NOM1: variants seen among roughly 807,000 people sequenced by gnomAD.
NOM1 encodes the protein nucleolar protein with MIF4G domain 1, also known as nucleolar MIF4G domain-containing protein 1.
Under a neutral mutation model 73.3 loss-of-function variants are expected in NOM1, and 58 were observed. The observed-to-expected ratio is 0.79, with a 90% CI of 0.64 to 0.99. The LOEUF is 0.99. Among genes scored for constraint, NOM1 ranks in the 50% least tolerant of loss-of-function variants. The probability of loss-of-function intolerance (pLI) is 0.00; values close to 1 mark genes in which losing one functional copy is unlikely to be tolerated. For synonymous variants in NOM1, 487 were observed against 446.8 expected, an observed-to-expected ratio of 1.09 and a Z score of -1.14; for missense variants, 1,226 against 1,131.9, an observed-to-expected ratio of 1.08 and a Z score of -1.19.
In NOM1 at chr7:156,964,036, T is replaced by C. The variant is rs1804936790; in HGVS notation, c.2033+10T>C. On this transcript the variant is annotated intron_variant, in intron 7 of 10. Transcript: ENST00000275820. ...TTGAAAAGCTTCTGAAGTAAGCATTTGTGTGCACATTTTGACCTATTAATG... is the reference window on the plus strand; with the variant it reads ...TTGAAAAGCTTCTGAAGTAAGCATTCGTGTGCACATTTTGACCTATTAATG... 6.2e-7 allele frequency: 1 copy of C among 1,610,292 alleles called. No individual in the cohort carries two copies. Among genetic ancestry groups the C allele is most frequent in the African/African-American group, 1.3e-5 (1 of 74,630 alleles).
chr7:156,950,260 C>T lies in NOM1; in HGVS notation c.523C>T (p.Leu175Phe), dbSNP rs1286211623. 4 of 1,613,692 alleles carry T rather than the reference C, an allele frequency of 2.5e-6. No individual in the cohort carries two copies. The highest frequency in any genetic ancestry group is 1.7e-5 in the Admixed American group (1 of 60,010). Residue 175 changes from leucine (L) to phenylalanine (F), a missense_variant, in exon 1 of 11, where the codon CTT becomes TTT. Coordinates refer to ENST00000275820, the MANE Select transcript of NOM1 (RefSeq NM_138400.2). ...CACCGCCGCTGCCCGGAAACGGGCG[C>T]TTTTAGCGGCGAACGAGGAGGAGGA... ...AATAAARKRA[L>F]LAANEEEDRE...
chr7:156,959,021 C>T (rs1384855183), intron 3 of NOM1, among the ~76,000 whole-genome samples: 3 of 152,044 alleles, frequency 2.0e-5, no homozygotes, highest in African/African-American at 4.8e-5. Flanking sequence ...AGAAATCACT[C>T]GTATTGCTTC....
intron 7 of NOM1, 180 bp from the exon 8 acceptor site, chr7:156,966,090 G>A: frequency 1.5e-6 from 1 of 684,190 alleles, no homozygotes; most frequent in Non-Finnish European, 2.5e-6. Context: ...AGAACCTGAG[G>A]ACCAGAGAGG....
At chr7:156,965,887 C>A (rs1804982924) in intron 7 of NOM1, among the ~76,000 whole-genome samples, 2 of 150,034 alleles carry the variant, frequency 1.3e-5, no homozygotes, top group Middle Eastern at 3.4e-3. Flanking sequence ...GCACTCCAGC[C>A]TGGGTGACAG....
rs771296001 is a variant in NOM1, at chr7:156,952,518, G to A, written c.1032G>A (p.Arg344=). 1 of 1,613,900 alleles carries A rather than the reference G, an allele frequency of 6.2e-7. No homozygotes were observed. The highest frequency in any genetic ancestry group is 8.5e-7 in the Non-Finnish European group (1 of 1,179,816). The part of the protein sequence containing the change: ...SGEKYIPPHV[R]QAEETVDFKK... ...AAAAGTACATCCCACCTCATGTGAGGCAAGCTGAGGAGACAGTGGACTTCA... is the reference window on the plus strand; with the variant it reads ...AAAAGTACATCCCACCTCATGTGAGACAAGCTGAGGAGACAGTGGACTTCA... The change falls in exon 2 of 11, where the codon AGG becomes AGA. Residue 344 remains arginine, a synonymous_variant. Coordinates refer to ENST00000275820, the MANE Select transcript of NOM1 (RefSeq NM_138400.2).
chr7:156,949,926 G>C lies in NOM1; in HGVS notation c.189G>C (p.Gly63=). 6.5e-7 allele frequency: 1 copy of C among 1,542,306 alleles called. No homozygotes were observed. Among genetic ancestry groups the C allele is most frequent in the South Asian group, 1.2e-5 (1 of 83,960 alleles). ...VHATSEGEAP[G]GCEGRGAPVS... Reference sequence around the variant, plus strand: ...CGACTTCGGAAGGCGAGGCTCCCGGGGGTTGCGAGGGGCGCGGCGCCCCGG... The same window carrying C: ...CGACTTCGGAAGGCGAGGCTCCCGGCGGTTGCGAGGGGCGCGGCGCCCCGG... Residue 63 remains glycine (G), a synonymous_variant, in exon 1 of 11, where the codon GGG becomes GGC. Coordinates refer to ENST00000275820, the MANE Select transcript of NOM1 (RefSeq NM_138400.2).
chr7:156,958,279 C>T (rs920914610), intron 3 of NOM1, among the ~76,000 whole-genome samples: 1 of 152,238 alleles, frequency 6.6e-6, no homozygotes, highest in Admixed American at 6.5e-5. Context: ...CTTGCTGCCC[C>T]TCACGTAGTT....
At position 156,970,647 on chromosome 7, in the gene NOM1, A is replaced by C. The variant is rs890660873; in HGVS notation, c.*944A>C. 1 of 151,814 alleles carries C rather than the reference A, an allele frequency of 6.6e-6. No homozygotes were observed. Among genetic ancestry groups the C allele is most frequent in the Non-Finnish European group, 1.5e-5 (1 of 67,958 alleles). The allele number at this position is 151,814 out of a possible 1,614,324, so 9.4% of individuals were successfully genotyped here. On this transcript the variant is annotated 3_prime_UTR_variant, in exon 11 of 11. Coordinates refer to ENST00000275820, the MANE Select transcript of NOM1 (RefSeq NM_138400.2). ...TTGAACTCCTGACCTCAGGTGATACACCCATCTCGGCCTCCCAAAGTGCTG... is the reference window on the plus strand; with the variant it reads ...TTGAACTCCTGACCTCAGGTGATACCCCCATCTCGGCCTCCCAAAGTGCTG...
At position 156,954,201 on chromosome 7, in the gene NOM1, T is replaced by C; in HGVS notation, c.1211T>C (p.Leu404Pro). 6.2e-7 allele frequency: 1 copy of C among 1,613,918 alleles called. No individual in the cohort carries two copies. Among genetic ancestry groups the C allele is most frequent in the Non-Finnish European group, 8.5e-7 (1 of 1,179,934 alleles). Residue 404 changes from leucine (L) to proline (P), a missense_variant, in exon 3 of 11, where the codon CTC becomes CCC. Transcript: ENST00000275820. ...KDMNDTLTSA[L>P]MGACVTASAM... ...ATGAATGACACCCTGACCTCCGCTC[T>C]CATGGGTGCCTGCGTCACTGCCTCG...
intron 2 of NOM1, 88 bp from the exon 3 acceptor site, chr7:156,954,015 G>T (rs747512196): frequency 1.9e-6 from 2 of 1,051,750 alleles, no homozygotes; most frequent in African/African-American, 1.6e-5. Context: ...TATATTGTTG[G>T]TATGGATAAC....
In NOM1 at chr7:156,969,741, A is replaced by T; in HGVS notation, c.*38A>T. The T allele has an allele frequency of 6.4e-7, 1 of 1,572,778 alleles. No homozygotes were observed. The highest frequency in any genetic ancestry group is 8.6e-7 in the Non-Finnish European group (1 of 1,159,696). On this transcript the variant is annotated 3_prime_UTR_variant, in exon 11 of 11. Transcript: ENST00000275820. The stretch of plus-strand genomic sequence containing the variant: ...GGAGGGCAGGTGGCCCTTTGACTGT[A>T]AAATGTCCTTGGTAAACCCAAAGGC...
rs1805163189 is a variant in NOM1 at position 156,972,465 on chromosome 7, A to G, written c.*2762A>G. 6.6e-6 allele frequency: 1 copy of G among 151,710 alleles called. No individual in the cohort carries two copies. 9.4% of individuals were successfully genotyped at this position (151,710 alleles called of 1,614,324 possible). A position where few individuals can be genotyped will look rare whatever the true frequency, so the allele number is the denominator to read the frequency against. On this transcript the variant is annotated 3_prime_UTR_variant, in exon 11 of 11. Transcript: ENST00000275820. ...AAATACCTCTCTTTGCTAGAGAGTT[A>G]TATGTATGACTTAAATTATTAGCTA...
intron 8 of NOM1, 79 bp from the exon 9 acceptor site, chr7:156,966,882 C>G: frequency 1.4e-6 from 2 of 1,395,892 alleles, no homozygotes; most frequent in Non-Finnish European, 2.0e-6. Flanking sequence ...AAGAAAATAC[C>G]TTTAGGTTAT....
rs759915441 is a variant in NOM1 at position 156,969,583 on chromosome 7, C to T, written c.2463C>T (p.Ile821=). The change falls in exon 11 of 11, where the codon ATC becomes ATT. Residue 821 remains isoleucine (I), a synonymous_variant. Coordinates refer to ENST00000275820, the MANE Select transcript of NOM1 (RefSeq NM_138400.2). ...TACGTGAGGGTTTGAAGCTTTTCAT[C>T]AGCCACTTCTTGCTAAAGAACGCAC... The part of the protein sequence containing the change: ...GVLREGLKLF[I]SHFLLKNAQA... 1.2e-6 allele frequency: 2 copies of T among 1,613,924 alleles called. No individual in the cohort carries two copies. Among genetic ancestry groups the T allele is most frequent in the African/African-American group, 2.7e-5 (2 of 74,898 alleles).
chr7:156,965,489 C>T (rs1804971073), intron 7 of NOM1, among the ~76,000 whole-genome samples: 1 of 152,210 alleles, frequency 6.6e-6, no homozygotes, highest in South Asian at 2.1e-4. Context: ...TGGCTCACGG[C>T]CCCAGGTTCT....
intron 2 of NOM1, among the ~76,000 whole-genome samples, chr7:156,953,120 G>T (rs950551949): frequency 3.6e-4 from 36 of 99,930 alleles, no homozygotes; most frequent in African/African-American, 1.5e-3. Context: ...AGGTTTTTTT[G>T]TTTTGTTTTG....
At chr7:156,962,021 G>C in intron 4 of NOM1, 130 bp from the exon 5 acceptor site, 1 of 727,212 alleles carries the variant, frequency 1.4e-6, no homozygotes, top group Non-Finnish European at 2.5e-6. Flanking sequence ...TCTACCTAAA[G>C]GCTGTCCTGA....
rs1411177625 is a variant in NOM1, at chr7:156,972,083, C to G, written c.*2380C>G. ...TTGGGCTAAGGTATAAATCAACACA[C>G]TGCTTCCTTCCTCCAGAAGGTCTTA... On this transcript the variant is annotated 3_prime_UTR_variant, in exon 11 of 11. Transcript: ENST00000275820. 1 of 152,250 alleles carries G rather than the reference C, an allele frequency of 6.6e-6. No individual in the cohort carries two copies. The highest frequency in any genetic ancestry group is 2.4e-5 in the African/African-American group (1 of 41,468). The allele number at this position is 152,250 out of a possible 1,614,324, so 9.4% of individuals were successfully genotyped here. A position where few individuals can be genotyped will look rare whatever the true frequency, so the allele number is the denominator to read the frequency against.
intron 6 of NOM1, chr7:156,963,545 C>T: frequency 2.6e-6 from 1 of 385,364 alleles, no homozygotes; most frequent in Non-Finnish European, 4.8e-6. Flanking sequence ...GCCCATTTTT[C>T]ATCCAGACTT....
Sources: allele counts gnomAD v4.1 joint callset (sites outside exome capture counted in the v4.1 genomes callset), GRCh38; gene constraint gnomAD v4.1.1; transcripts MANE v1.5; gene names NCBI Gene and HGNC (gene_info 2026-07-23, HGNC 2026-07-21).